The following CLDN16 variants were observed in gnomAD, a reference collection of about 807,000 sequenced individuals.
The protein encoded by CLDN16 is claudin 16.
CLDN16 carries 13 observed loss-of-function variants against 24.6 expected under a neutral mutation model. The ratio of observed to expected loss-of-function variants is 0.53; its 90% CI spans 0.34 to 0.84. CLDN16 has a LOEUF of 0.84. CLDN16 is among the 40% of genes least tolerant of loss of function. The pLI is 0.01. For synonymous variants in CLDN16, 116 were observed against 106.7 expected, an observed-to-expected ratio of 1.09 and a Z score of -0.54; for missense variants, 298 against 292.7, an observed-to-expected ratio of 1.02 and a Z score of -0.13.
At chr3:190,394,255 A>T (rs1231867354) in intron 1 of CLDN16, among the ~76,000 whole-genome samples, 1 of 152,222 alleles carries the variant, frequency 6.6e-6, no homozygotes, top group African/African-American at 2.4e-5. Context: ...CACAGTAGTT[A>T]CTGATCTCTC....
At chr3:190,311,961 C>CTT in the CLDN16 span, among the ~76,000 whole-genome samples, 114 of 148,184 alleles carry the variant, frequency 7.7e-4, 1 homozygote, top group South Asian at 4.0e-3. Flanking sequence ...TTTCTTTTTT[C>CTT]TTTTTTTTTT....
rs140726898 is a variant in CLDN16 at position 190,381,851 on chromosome 3, A to G, written n.306+7248A>G. 3.0e-3 allele frequency among the ~76,000 whole-genome samples: 457 copies of G among 152,182 alleles called. 4 individuals are homozygous for G. Among genetic ancestry groups the G allele is most frequent in the African/African-American group, 0.01 (422 of 41,544 alleles). The stretch of plus-strand genomic sequence containing the variant: ...CAATTTCAGTGTTTCCTTGCCCAAC[A>G]TGGATTAAGTACACACTGAAATCTT... On this transcript the variant is annotated intron_variant and non_coding_transcript_variant, in intron 3 of 4. Coordinates refer to the CLDN16 transcript ENST00000468220.
At chr3:190,328,766 G>A (rs1333744795) in intron 1 of CLDN16, among the ~76,000 whole-genome samples, 4 of 151,834 alleles carry the variant, frequency 2.6e-5, no homozygotes, top group Non-Finnish European at 4.4e-5. Context: ...TATGCATTTT[G>A]TTTGAACTGC....
upstream of CLDN16, among the ~76,000 whole-genome samples, chr3:190,383,815 CACAA>C (rs1441912037): frequency 2.6e-5 from 4 of 152,112 alleles, no homozygotes; most frequent in African/African-American, 9.7e-5. Flanking sequence ...TGTGTGTACA[CACAA>C]ACATACATAC....
In CLDN16 at chr3:190,397,450, TCA is replaced by T. The variant is rs544515446; in HGVS notation, c.115-4886_115-4885del. 5.5e-3 allele frequency among the ~76,000 whole-genome samples: 836 copies of T among 152,322 alleles called. 1 individual carries two copies. Among genetic ancestry groups the T allele is most frequent in the Middle Eastern group, 0.027 (8 of 294 alleles). On this transcript the variant is annotated intron_variant, in intron 1 of 4. Coordinates refer to ENST00000264734, the MANE Select transcript of CLDN16 (RefSeq NM_006580.4). ...AAGGTTAACTATGATATTTGAAACA[TCA>T]GTCTGCTTTTTTAAGAACCCTGTCT...
chr3:190,313,206 T>G, the CLDN16 span: 1 of 646,906 alleles, frequency 1.5e-6, no homozygotes, highest in Admixed American at 2.9e-5. Flanking sequence ...TACAGTATCT[T>G]CTCCAGAAAA....
the CLDN16 span, among the ~76,000 whole-genome samples, chr3:190,294,961 C>T: frequency 6.6e-6 from 1 of 152,132 alleles, no homozygotes; most frequent in South Asian, 2.1e-4. Flanking sequence ...TCTTTTCTAG[C>T]TTTATTTTAA....
At chr3:190,328,708 T>G (rs1717122818) in intron 1 of CLDN16, among the ~76,000 whole-genome samples, 1 of 152,100 alleles carries the variant, frequency 6.6e-6, no homozygotes, top group Admixed American at 6.5e-5. Flanking sequence ...TATATAAATA[T>G]AGAGCAGTGT....
intron 3 of CLDN16, among the ~76,000 whole-genome samples, chr3:190,406,442 C>A (rs2378569): frequency 0.2 from 29,992 of 151,970 alleles, 3,230 homozygotes; most frequent in East Asian, 0.36. Flanking sequence ...TTTGAGCTAT[C>A]ATCAGTAAAT....
chr3:190,364,910 A>G (rs1717985333), intron 1 of CLDN16, among the ~76,000 whole-genome samples: 1 of 151,382 alleles, frequency 6.6e-6, no homozygotes, highest in African/African-American at 2.4e-5. Context: ...CAGACCCCTG[A>G]GTATTTTAGG....
At chr3:190,342,954 A>G (rs559005896) in intron 1 of CLDN16, among the ~76,000 whole-genome samples, 64 of 152,222 alleles carry the variant, frequency 4.2e-4, no homozygotes, top group Non-Finnish European at 7.4e-4. Context: ...GCAAAAGTAA[A>G]TAAGTATGAC....
In CLDN16 at chr3:190,352,457, A is replaced by T. The variant is rs112215014; in HGVS notation, n.122-18436A>T. Reference sequence around the variant, plus strand: ...TTCCAGGTCATTTCTAGCTTTAGGAATATTTATGACACTATTTTGAAATGT... The same window carrying T: ...TTCCAGGTCATTTCTAGCTTTAGGATTATTTATGACACTATTTTGAAATGT... On this transcript the variant is annotated intron_variant and non_coding_transcript_variant, in intron 1 of 4. Transcript: ENST00000468220. 1.2e-3 allele frequency among the ~76,000 whole-genome samples: 182 copies of T among 152,276 alleles called. 2 individuals carry two copies. The highest frequency in any genetic ancestry group is 4.3e-3 in the African/African-American group (177 of 41,574).
chr3:190,347,996 C>T (rs113472034), intron 1 of CLDN16, among the ~76,000 whole-genome samples: 1,586 of 149,944 alleles, frequency 0.011, 14 homozygotes, highest in Non-Finnish European at 0.017. Context: ...GTAATCCCAG[C>T]ATTTTGAGAG....
At chr3:190,315,799 G>C in the CLDN16 span, among the ~76,000 whole-genome samples, 2 of 152,118 alleles carry the variant, frequency 1.3e-5, no homozygotes, top group Non-Finnish European at 2.9e-5. Flanking sequence ...TGCCCAGCAG[G>C]TCTGAGCACT....
chr3:190,409,282 G>GTATATATGCACACATGTATATGTATA (rs1719206018), intron 4 of CLDN16, among the ~76,000 whole-genome samples: 2 of 151,968 alleles, frequency 1.3e-5, no homozygotes, highest in African/African-American at 4.8e-5. Flanking sequence ...GTATATGTAT[G>GTATATATGCACACATGTATATGTATA]TATATATGCA....
the CLDN16 span, among the ~76,000 whole-genome samples, chr3:190,296,703 C>T: frequency 1.3e-5 from 2 of 152,000 alleles, no homozygotes; most frequent in Non-Finnish European, 1.5e-5. Flanking sequence ...GCGACTGCCA[C>T]CACGCCCGGC....
chr3:190,295,984 C>G, the CLDN16 span, among the ~76,000 whole-genome samples: 1 of 151,882 alleles, frequency 6.6e-6, no homozygotes, highest in Admixed American at 6.6e-5. Flanking sequence ...TTTTTTATTT[C>G]ATCTTCTAAA....
intron 2 of CLDN16, among the ~76,000 whole-genome samples, chr3:190,371,881 A>C (rs1241505728): frequency 6.6e-6 from 1 of 151,946 alleles, no homozygotes; most frequent in Non-Finnish European, 1.5e-5. Flanking sequence ...CTGACACTGA[A>C]GCCCACATAT....
chr3:190,409,130 T>C (rs989423106), intron 4 of CLDN16, among the ~76,000 whole-genome samples: 44 of 151,268 alleles, frequency 2.9e-4, no homozygotes, highest in African/African-American at 1.0e-3. Context: ...TTAATGGTAA[T>C]TGGAATTTTT....
Sources: allele counts gnomAD v4.1 joint callset (sites outside exome capture counted in the v4.1 genomes callset), GRCh38; gene constraint gnomAD v4.1.1; transcripts MANE v1.5; gene names NCBI Gene and HGNC (gene_info 2026-07-23, HGNC 2026-07-21).